TRPM3: variants seen among roughly 807,000 people sequenced by gnomAD.
The protein encoded by TRPM3 is long transient receptor potential channel 3.
In TRPM3, 77 loss-of-function variants were observed where a neutral mutation model predicts 181.2. The ratio of observed to expected loss-of-function variants is 0.42; its 90% CI spans 0.35 to 0.51. TRPM3 has a LOEUF of 0.51. TRPM3 is among the 20% of genes least tolerant of loss of function. TRPM3 has a pLI of 0.01. For missense variants in TRPM3, 1,759 were observed against 2,196.7 expected (o/e 0.80, Z 3.98); for synonymous variants, 745 against 796.4 (o/e 0.94, Z 1.09).
intron 1 of TRPM3, among the ~76,000 whole-genome samples, chr9:71,308,459 C>T (rs980262005): frequency 2.0e-5 from 3 of 151,978 alleles, no homozygotes; most frequent in African/African-American, 7.2e-5. Context: ...GGCTTATTAG[C>T]AATTCAGGCA....
At chr9:70,620,505 T>A in intron 15 of TRPM3, 140 bp from the exon 16 acceptor site, 2 of 919,490 alleles carry the variant, frequency 2.2e-6, no homozygotes, top group South Asian at 1.7e-5. Context: ...CTAAAAGAAC[T>A]CACAAGCTCA....
chr9:71,215,180 C>T (rs2079787158), intron 1 of TRPM3, among the ~76,000 whole-genome samples: 1 of 151,972 alleles, frequency 6.6e-6, no homozygotes, highest in Non-Finnish European at 1.5e-5. Flanking sequence ...TATCCCTCAA[C>T]ACTACTGCCA....
At chr9:70,539,847 A>G (rs963662541) in intron 25 of TRPM3, among the ~76,000 whole-genome samples, 2 of 152,068 alleles carry the variant, frequency 1.3e-5, no homozygotes, top group African/African-American at 4.8e-5. Flanking sequence ...TTCTTTATTT[A>G]TGTTTGAGAC....
At chr9:71,383,855 A>C (rs988524556) in intron 1 of TRPM3, among the ~76,000 whole-genome samples, 3 of 152,234 alleles carry the variant, frequency 2.0e-5, no homozygotes, top group Non-Finnish European at 2.9e-5. Context: ...GATTGAGTCA[A>C]TCCTTCACTA....
chr9:70,859,699 C>G (rs1170228388), intron 3 of TRPM3, among the ~76,000 whole-genome samples: 4 of 151,876 alleles, frequency 2.6e-5, no homozygotes, highest in Non-Finnish European at 5.9e-5. Context: ...TAGGGTCTGT[C>G]AAATGCACTA....
intron 7 of TRPM3, among the ~76,000 whole-genome samples, chr9:70,769,903 G>C (rs1239784824): frequency 6.6e-6 from 1 of 152,128 alleles, no homozygotes; most frequent in Non-Finnish European, 1.5e-5. Context: ...GCTTGCTTTA[G>C]GTGGGTGACC....
At chr9:71,041,956 C>A (rs1015008786) in intron 1 of TRPM3, among the ~76,000 whole-genome samples, 1 of 152,048 alleles carries the variant, frequency 6.6e-6, no homozygotes, top group African/African-American at 2.4e-5. Context: ...ATAATAATAG[C>A]AGCTACTAAT....
intron 1 of TRPM3, among the ~76,000 whole-genome samples, chr9:71,189,990 T>C (rs1282697505): frequency 1.3e-5 from 2 of 151,910 alleles, no homozygotes; most frequent in African/African-American, 2.4e-5. Flanking sequence ...ATCTGCCACA[T>C]CAACAGAGGA....
At chr9:71,316,186 T>A (rs1341661321) in intron 1 of TRPM3, among the ~76,000 whole-genome samples, 1 of 152,202 alleles carries the variant, frequency 6.6e-6, no homozygotes, top group Non-Finnish European at 1.5e-5. Flanking sequence ...GTGTGGCAAC[T>A]GCTAACTAAA....
At chr9:70,590,943 G>C in intron 22 of TRPM3, 88 bp downstream of exon 22, 1 of 1,560,496 alleles carries the variant, frequency 6.4e-7, no homozygotes, top group Non-Finnish European at 8.8e-7. Context: ...GCCATTTATT[G>C]AGAACAAACA....
chr9:71,155,594 A>G (rs1176453415), intron 1 of TRPM3, among the ~76,000 whole-genome samples: 1 of 151,296 alleles, frequency 6.6e-6, no homozygotes, highest in African/African-American at 2.4e-5. Context: ...ACTTTAGGTG[A>G]TCCACCTGCC....
intron 12 of TRPM3, among the ~76,000 whole-genome samples, chr9:70,628,262 A>G (rs1413617991): frequency 6.6e-6 from 1 of 152,036 alleles, no homozygotes; most frequent in Non-Finnish European, 1.5e-5. Context: ...ATGCCCACCC[A>G]TCGTGTCATT....
chr9:70,654,415 AGGAAATGCATACAAGG>A (rs2059995903), intron 9 of TRPM3, among the ~76,000 whole-genome samples: 1 of 152,084 alleles, frequency 6.6e-6, no homozygotes, highest in Admixed American at 6.5e-5. Flanking sequence ...AGGCTTGTCC[AGGAAATGCATACAAGG>A]GCTGATCACT....
chr9:70,744,741 T>C (rs2134920836), intron 8 of TRPM3, among the ~76,000 whole-genome samples: 1 of 152,308 alleles, frequency 6.6e-6, no homozygotes, highest in Non-Finnish European at 1.5e-5. Context: ...TGGTCTTTTC[T>C]TTCCATGTGA....
chr9:70,938,953 G>A (rs576088119), intron 1 of TRPM3, among the ~76,000 whole-genome samples: 10 of 147,156 alleles, frequency 6.8e-5, no homozygotes, highest in Non-Finnish European at 1.3e-4. Context: ...GCGAGACTCC[G>A]TCTCAAAAAA....
rs12342094 is a variant in TRPM3 at position 70,831,993 on chromosome 9, A to G, written c.802-3975T>C. ...TATATATATATATATATATATATAT[A>G]TATACCTACTATGTACCCACACACA... On this transcript the variant is annotated intron_variant, in intron 5 of 25. Coordinates refer to ENST00000677713, the MANE Select transcript of TRPM3 (RefSeq NM_001366145.2). 1.2e-4 allele frequency among the ~76,000 whole-genome samples: 11 copies of G among 92,684 alleles called. No individual in the cohort carries two copies. In the East Asian group the frequency reaches 2.4e-3, roughly 20 times the overall value. 60.8% of individuals were successfully genotyped at this position (92,684 alleles called of 152,430 possible). A position where few individuals can be genotyped will look rare whatever the true frequency, so the allele number is the denominator to read the frequency against.
At chr9:70,662,326 G>A (rs2061247654) in intron 9 of TRPM3, among the ~76,000 whole-genome samples, 1 of 152,108 alleles carries the variant, frequency 6.6e-6, no homozygotes, top group African/African-American at 2.4e-5. Flanking sequence ...AATTCTAGAA[G>A]ATAACATCAA....
intron 1 of TRPM3, among the ~76,000 whole-genome samples, chr9:71,292,155 G>T (rs530184481): frequency 6.6e-6 from 1 of 152,096 alleles, no homozygotes; most frequent in Admixed American, 6.6e-5. Flanking sequence ...TTGAAAACCT[G>T]GCGAATGCTG....
intron 1 of TRPM3, among the ~76,000 whole-genome samples, chr9:71,067,925 T>C (rs1212083397): frequency 1.3e-5 from 2 of 152,192 alleles, no homozygotes; most frequent in Admixed American, 6.5e-5. Context: ...TGCTAGGCAA[T>C]GTTGGTGATT....
Sources: gnomAD v4.1 joint callset for allele counts (sites outside exome capture counted in the v4.1 genomes callset) on GRCh38, gnomAD v4.1.1 for gene constraint, MANE v1.5 for transcripts, NCBI Gene and HGNC (gene_info 2026-07-23, HGNC 2026-07-21) for gene names.